Variants in PPIE observed in about 807,000 individuals in gnomAD.
The protein encoded by PPIE is peptidyl-prolyl cis-trans isomerase E.
A neutral mutation model predicts 38.4 loss-of-function variants in PPIE; 20 were observed. The observed-to-expected ratio is 0.52, with a 90% CI of 0.37 to 0.76. The LOEUF (loss-of-function observed/expected upper bound fraction) is 0.76, where lower values mean the gene tolerates loss of function less well. PPIE is among the 30% of genes least tolerant of loss of function. PPIE has a pLI of 0.00. For synonymous variants in PPIE, 142 were observed against 135.7 expected, an observed-to-expected ratio of 1.05 and a Z score of -0.32; for missense variants, 322 against 385.8, an observed-to-expected ratio of 0.83 and a Z score of 1.39.
intron 1 of PPIE, among the ~76,000 whole-genome samples, chr1:39,739,807 C>T (rs964282477): frequency 6.6e-6 from 1 of 152,130 alleles, no homozygotes; most frequent in African/African-American, 2.4e-5. Flanking sequence ...GGAGTTTGCA[C>T]TTTATCCTGA....
intron 1 of PPIE, 51 bp from the exon 2 acceptor site, chr1:39,740,114 C>T (rs1294161466): frequency 1.4e-6 from 2 of 1,479,734 alleles, no homozygotes; most frequent in African/African-American, 1.4e-5. Context: ...GCAAGGACTT[C>T]TGCAAGAGTA....
At chr1:39,742,490 C>CTTTTTTTTTTTTTTTTTTTTTT (rs5773671) in intron 4 of PPIE, 1 of 107,296 alleles carries the variant, frequency 9.3e-6, no homozygotes. Context: ...TTCTTTCTTT[C>CTTTTTTTTTTTTTTTTTTTTTT]TTTTTTTTTT....
chr1:39,760,319 A>G (rs1251805796), downstream of PPIE: 16 of 1,545,614 alleles, frequency 1.0e-5, no homozygotes, highest in Non-Finnish European at 1.4e-5. Context: ...CTCCCTGGCA[A>G]TGCCCCGGCC....
chr1:39,743,119 G>A, intron 4 of PPIE, 97 bp from the exon 5 acceptor site: 2 of 1,080,610 alleles, frequency 1.9e-6, no homozygotes, highest in Non-Finnish European at 2.8e-6. Flanking sequence ...GATTAAGGGA[G>A]GACAAATCAT....
chr1:39,761,526 C>T (rs180936944), downstream of PPIE, among the ~76,000 whole-genome samples: 314 of 152,116 alleles, frequency 2.1e-3, 1 homozygote, highest in Admixed American at 4.8e-3. Flanking sequence ...CCGACAGCCT[C>T]TTGGGTTACT....
At position 39,756,304 on chromosome 1, in the gene PPIE, C is replaced by T. The variant is rs1292104663; in HGVS notation, c.*2949C>T. 2.0e-6 allele frequency: 2 copies of T among 985,352 alleles called. No individual in the cohort carries two copies. Among genetic ancestry groups the T allele is most frequent in the African/African-American group, 3.5e-5 (2 of 57,248 alleles). 61.0% of individuals were successfully genotyped at this position (985,352 alleles called of 1,614,324 possible). ...CCAACTGGCCTCCCCATTCCACATT[C>T]CCATTGCTGGACCAGCACCAGGACT... On this transcript the variant is annotated 3_prime_UTR_variant, in exon 10 of 10. Coordinates refer to ENST00000324379, the MANE Select transcript of PPIE (RefSeq NM_006112.4).
Position 39,754,567 on chromosome 1 carries a change from A to G in PPIE, c.*1212A>G, listed in dbSNP as rs1440917289. Among the ~76,000 whole-genome samples, 1 of 152,220 alleles carries G rather than the reference A, an allele frequency of 6.6e-6. No homozygotes were observed. Among genetic ancestry groups the G allele is most frequent in the Non-Finnish European group, 1.5e-5 (1 of 68,050 alleles). ...TCTCTACTGACTTAAATATTAATCC[A>G]TCTAAAAAATAGGCCAGGCATGGTG... On this transcript the variant is annotated 3_prime_UTR_variant, in exon 10 of 10. Transcript: ENST00000324379.
At chr1:39,747,221 G>A (rs946258181) in intron 7 of PPIE, 1 of 152,130 alleles carries the variant, frequency 6.6e-6, no homozygotes, top group Admixed American at 6.5e-5. Flanking sequence ...CTTGCACATT[G>A]TTTTCACCTT....
At chr1:39,760,232 C>T (rs1569755951), downstream of PPIE, 1 of 1,033,394 alleles carries the variant, frequency 9.7e-7, no homozygotes, top group East Asian at 2.6e-5. Flanking sequence ...GACAGTCACA[C>T]AAATGCCTGG....
At chr1:39,743,023 G>C (rs147585526) in intron 4 of PPIE, 193 bp from the exon 5 acceptor site, 2 of 538,330 alleles carry the variant, frequency 3.7e-6, no homozygotes, top group East Asian at 6.0e-5. Flanking sequence ...GTCTTTGTGT[G>C]CTGCTATGAA....
Position 39,752,938 on chromosome 1 carries a change from A to G in PPIE, c.723A>G (p.Pro241=). The G allele has an allele frequency of 6.2e-7, 1 of 1,614,056 alleles. No individual in the cohort carries two copies. The highest frequency in any genetic ancestry group is 8.5e-7 in the Non-Finnish European group (1 of 1,179,974). The stretch of plus-strand genomic sequence containing the variant: ...TACTATCCATGGCCAACTCTGGCCC[A>G]AACACCAATGGCTCTCAGTTCTTCC... ...PGLLSMANSG[P]NTNGSQFFLT... The change falls in exon 9 of 10, where the codon CCA becomes CCG. Residue 241 remains proline, a synonymous_variant. Transcript: ENST00000324379.
chr1:39,741,248 A>G (rs1381095044), intron 2 of PPIE, 118 bp from the exon 3 acceptor site: 15 of 806,752 alleles, frequency 1.9e-5, no homozygotes, highest in Non-Finnish European at 3.2e-5. Context: ...CTAAATAGTG[A>G]TTGGATAGAA....
rs112569630 is a variant in PPIE at position 39,744,671 on chromosome 1, G to A, written c.385-704G>A. On this transcript the variant is annotated intron_variant, in intron 6 of 9. Transcript: ENST00000324379. ...AAGTTTGCCTAAAATGGATTCTCCC[G>A]CTTCTCTAATCCTGTCTTCCTGTGT... Among the ~76,000 whole-genome samples, 718 of 152,226 alleles carry A rather than the reference G, an allele frequency of 4.7e-3. 7 individuals are homozygous for A. Among genetic ancestry groups the A allele is most frequent in the African/African-American group, 0.016 (681 of 41,542 alleles).
intron 5 of PPIE, 131 bp downstream of exon 5, chr1:39,743,428 A>C: frequency 1.3e-6 from 1 of 785,820 alleles, no homozygotes; most frequent in Admixed American, 2.2e-5. Context: ...ATGATGGTTC[A>C]CATTGGGAAG....
rs1291697458 is a variant in PPIE at position 39,754,089 on chromosome 1, G to A, written c.*734G>A. On this transcript the variant is annotated 3_prime_UTR_variant, in exon 10 of 10. Coordinates refer to ENST00000324379, the MANE Select transcript of PPIE (RefSeq NM_006112.4). The stretch of plus-strand genomic sequence containing the variant: ...TACTATGCCTATTTGTCAGGAGACA[G>A]GAAGCCAACAAACTACATGTGCCTA... 3.0e-6 allele frequency: 3 copies of A among 984,282 alleles called. No homozygotes were observed. In the African/African-American group the frequency reaches 5.2e-5, roughly 17 times the overall value. The allele number at this position is 984,282 out of a possible 1,614,324, so 61.0% of individuals were successfully genotyped here. A position where few individuals can be genotyped will look rare whatever the true frequency, so the allele number is the denominator to read the frequency against.
At chr1:39,745,595 T>G in intron 7 of PPIE, 97 bp downstream of exon 7, 1 of 1,575,912 alleles carries the variant, frequency 6.3e-7, no homozygotes, top group Non-Finnish European at 8.7e-7. Context: ...GTCCTTGATA[T>G]TGCTTCTGAC....
chr1:39,760,149 A>G, downstream of PPIE: 1 of 537,838 alleles, frequency 1.9e-6, no homozygotes, highest in Non-Finnish European at 3.2e-6. Context: ...CAGCCAGGAC[A>G]TGCCTCCGGG....
chr1:39,745,483 G>A lies in PPIE; in HGVS notation c.493G>A (p.Val165Met), dbSNP rs981534733. Residue 165 changes from valine to methionine, a missense_variant, in exon 7 of 10, where the codon GTG becomes ATG. Transcript: ENST00000324379. ...CCAGATGCTCCTGCGTTCTGATGTCGTGCCCATGACAGCAGGTGAGCAGGA... is the reference window on the plus strand; with the variant it reads ...CCAGATGCTCCTGCGTTCTGATGTCATGCCCATGACAGCAGGTGAGCAGGA... ...RIQMLLRSDV[V>M]PMTAENFRCL... is the part of the protein sequence containing the mutation. 8.1e-6 allele frequency: 13 copies of A among 1,614,200 alleles called. 1 individual carries two copies. The highest frequency in any genetic ancestry group is 4.5e-5 in the East Asian group (2 of 44,890).
chr1:39,757,539 C>T (rs1557462850), downstream of PPIE: 1 of 152,288 alleles, frequency 6.6e-6, no homozygotes, highest in Non-Finnish European at 1.5e-5. Context: ...GCCAGTATTG[C>T]ACCGCAAGGA....
Sources: allele counts gnomAD v4.1 joint callset (sites outside exome capture counted in the v4.1 genomes callset), GRCh38; gene constraint gnomAD v4.1.1; transcripts MANE v1.5; gene names NCBI Gene and HGNC (gene_info 2026-07-23, HGNC 2026-07-21).